TMCO4: variants seen among roughly 807,000 people sequenced by gnomAD.
The protein encoded by TMCO4 is transmembrane and coiled-coil domain-containing protein 4.
TMCO4 carries 58 observed loss-of-function variants against 64.7 expected under a neutral mutation model. That is an observed-to-expected ratio of 0.90 (90% CI 0.73 to 1.12). The LOEUF (loss-of-function observed/expected upper bound fraction) is 1.12. TMCO4 is among the 50% of genes most tolerant of loss of function. The probability of loss-of-function intolerance (pLI) is 0.00; values close to 1 mark genes in which losing one functional copy is unlikely to be tolerated. For synonymous variants in TMCO4, 325 were observed against 346.1 expected (o/e 0.94, Z 0.68); for missense variants, 780 against 825.9 (o/e 0.94, Z 0.68).
chr1:19,777,678 C>CTGGAACCT (rs1379239624), intron 4 of TMCO4, among the ~76,000 whole-genome samples: 1 of 152,194 alleles, frequency 6.6e-6, no homozygotes, highest in Admixed American at 6.5e-5. Context: ...TGAATCAACC[C>CTGGAACCT]TGGAACCTTG....
rs138387559 is a variant in TMCO4, at chr1:19,746,551, G to A, written c.662C>T (p.Thr221Met). 1.1e-4 allele frequency: 183 copies of A among 1,611,484 alleles called. 1 individual carries two copies. In the African/African-American group the frequency reaches 1.3e-3, roughly 11 times the overall value. Residue 221 changes from threonine to methionine, a missense_variant, in exon 9 of 16, where the codon ACG becomes ATG. Coordinates refer to ENST00000294543, the MANE Select transcript of TMCO4 (RefSeq NM_181719.7). ...AAPLVAAGAA[T>M]IIGSAGAAAL... is the part of the protein sequence containing the mutation. ...CGCTGCCCCGGCGCTGCCAATAATCGTCGCTGCTCCAGCGGCAACAAGGGG... is the reference window on the plus strand; with the variant it reads ...CGCTGCCCCGGCGCTGCCAATAATCATCGCTGCTCCAGCGGCAACAAGGGG...
chr1:19,763,751 A>T (rs17369574), intron 6 of TMCO4, among the ~76,000 whole-genome samples: 17,841 of 152,176 alleles, frequency 0.12, 1,150 homozygotes, highest in Non-Finnish European at 0.13. Flanking sequence ...ACGTAGCCCC[A>T]TTTTTACCCT....
At chr1:19,745,759 C>T (rs1460017477) in intron 9 of TMCO4, 108 bp from the exon 10 acceptor site, 6 of 1,378,118 alleles carry the variant, frequency 4.4e-6, no homozygotes, top group East Asian at 4.9e-5. Flanking sequence ...ATCTGTGTGC[C>T]CTGCCCCTGG....
intron 15 of TMCO4, among the ~76,000 whole-genome samples, chr1:19,688,870 C>T (rs1055802487): frequency 1.3e-5 from 2 of 152,236 alleles, no homozygotes; most frequent in South Asian, 4.1e-4. Flanking sequence ...CCTGGCATTT[C>T]TGCTGGGACA....
intron 13 of TMCO4, among the ~76,000 whole-genome samples, chr1:19,716,165 T>TATTATTATTATTATTATTA (rs148511891): frequency 9.7e-5 from 14 of 144,902 alleles, no homozygotes; most frequent in African/African-American, 3.5e-4. Context: ...TTATTTTTAT[T>TATTATTATTATTATTATTA]TTATTATTAT....
intron 13 of TMCO4, among the ~76,000 whole-genome samples, chr1:19,710,441 C>CT (rs1178385608): frequency 2.6e-5 from 4 of 152,110 alleles, no homozygotes. Flanking sequence ...TCTTCCTCTT[C>CT]TTTATCATCA....
chr1:19,718,776 G>A lies in TMCO4; in HGVS notation c.1265-17891C>T, dbSNP rs1042291529. On this transcript the variant is annotated intron_variant, in intron 13 of 15. Coordinates refer to ENST00000294543, the MANE Select transcript of TMCO4 (RefSeq NM_181719.7). ...TCTGTTCCAGTCTGGCACACAGTAG[G>A]TGCTCAATACACACCAGCTCCCTGG... 2.0e-5 allele frequency among the ~76,000 whole-genome samples: 3 copies of A among 152,156 alleles called. No individual in the cohort carries two copies. The South Asian group carries it at 6.2e-4, about 32-fold the overall frequency.
Position 19,770,543 on chromosome 1 carries a change from A to G in TMCO4, c.381T>C (p.Asp127=). 6.2e-7 allele frequency: 1 copy of G among 1,613,796 alleles called. No individual in the cohort carries two copies. The highest frequency in any genetic ancestry group is 8.5e-7 in the Non-Finnish European group (1 of 1,179,822). Residue 127 remains aspartate, a splice_region_variant and synonymous_variant, in exon 6 of 16, where the codon GAT becomes GAC. Coordinates refer to ENST00000294543, the MANE Select transcript of TMCO4 (RefSeq NM_181719.7). ...TQDLLSFSLK[D]GHYDARARVL... Reference sequence around the variant, plus strand: ...ACAGAGCTTAGAAAATCAACTTACCATCCTTGAGTGAGAAGCTCAGAAGGT... The same window carrying G: ...ACAGAGCTTAGAAAATCAACTTACCGTCCTTGAGTGAGAAGCTCAGAAGGT...
Position 19,682,540 on chromosome 1 carries a change from G to A in TMCO4, c.*500C>T, listed in dbSNP as rs2095110213. 1 of 709,050 alleles carries A rather than the reference G, an allele frequency of 1.4e-6. No individual in the cohort carries two copies. Among genetic ancestry groups the A allele is most frequent in the Non-Finnish European group, 2.6e-6 (1 of 380,378 alleles). 43.9% of individuals were successfully genotyped at this position (709,050 alleles called of 1,614,324 possible). ...GGAGTGAGCTGCCTTCTTTGTACCT[G>A]CGCCTGCTCTGTTGCTGCCAGTTGA... On this transcript the variant is annotated 3_prime_UTR_variant, in exon 16 of 16. Transcript: ENST00000294543.
At chr1:19,769,026 C>T (rs928570883) in intron 6 of TMCO4, among the ~76,000 whole-genome samples, 3 of 152,342 alleles carry the variant, frequency 2.0e-5, no homozygotes, top group Non-Finnish European at 2.9e-5. Context: ...ACTAAACACA[C>T]GTGCATGGCC....
intron 13 of TMCO4, among the ~76,000 whole-genome samples, chr1:19,725,020 A>G (rs941626945): frequency 1.1e-4 from 17 of 152,136 alleles, no homozygotes; most frequent in Non-Finnish European, 2.4e-4. Flanking sequence ...TCGGCCTCCC[A>G]AAGTGCTGGG....
At chr1:19,765,120 C>T (rs950760052) in intron 6 of TMCO4, among the ~76,000 whole-genome samples, 6 of 152,128 alleles carry the variant, frequency 3.9e-5, no homozygotes, top group African/African-American at 1.2e-4. Context: ...AAAATCATGA[C>T]GCAGTTTAAG....
Position 19,707,296 on chromosome 1 carries a change from C to A in TMCO4, c.1265-6411G>T, listed in dbSNP as rs368272438. On this transcript the variant is annotated intron_variant, in intron 13 of 15. Coordinates refer to ENST00000294543, the MANE Select transcript of TMCO4 (RefSeq NM_181719.7). ...CCCTTCTCTTGGTGATGGGTGAGAT[C>A]TCAGTTTATTAGTTCATGAAAGATC... Among the ~76,000 whole-genome samples the A allele has an allele frequency of 5.3e-5, 8 of 152,228 alleles. No individual in the cohort carries two copies. In the East Asian group the frequency reaches 1.5e-3, roughly 29 times the overall value.
At chr1:19,785,133 C>T (rs939852674) in intron 3 of TMCO4, among the ~76,000 whole-genome samples, 5 of 151,772 alleles carry the variant, frequency 3.3e-5, no homozygotes, top group African/African-American at 4.9e-5. Context: ...CTGGGACCAC[C>T]CTTCCCTGAC....
chr1:19,772,212 G>T (rs2043017364), intron 4 of TMCO4, among the ~76,000 whole-genome samples: 2 of 152,184 alleles, frequency 1.3e-5, no homozygotes, highest in South Asian at 4.1e-4. Context: ...GCAGCCCACA[G>T]AGGGAGCCCC....
chr1:19,705,452 AAAATAAATAAAT>A (rs1055958162), intron 13 of TMCO4, among the ~76,000 whole-genome samples: 1 of 151,940 alleles, frequency 6.6e-6, no homozygotes, highest in East Asian at 1.9e-4. Flanking sequence ...CTCCATCTCA[AAAATAAATAAAT>A]AAATAAATAA....
At chr1:19,790,693 C>T (rs1313491399) in intron 2 of TMCO4, among the ~76,000 whole-genome samples, 1 of 152,316 alleles carries the variant, frequency 6.6e-6, no homozygotes, top group South Asian at 2.1e-4. Context: ...AATAGGAACA[C>T]TCTTACACTG....
At chr1:19,795,173 TA>T (rs35761504) in intron 2 of TMCO4, among the ~76,000 whole-genome samples, 6,842 of 147,244 alleles carry the variant, frequency 0.046, 482 homozygotes, top group African/African-American at 0.15. Flanking sequence ...ATTTTTACCT[TA>T]AAAAAAAAAA....
At chr1:19,771,538 G>A in intron 4 of TMCO4, 56 bp from the exon 5 acceptor site, 1 of 1,565,674 alleles carries the variant, frequency 6.4e-7, no homozygotes, top group Non-Finnish European at 8.7e-7. Flanking sequence ...GCCTCCACTG[G>A]GCAGTGTAGA....
Sources: gnomAD v4.1 joint callset for allele counts (sites outside exome capture counted in the v4.1 genomes callset) on GRCh38, gnomAD v4.1.1 for gene constraint, MANE v1.5 for transcripts, NCBI Gene and HGNC (gene_info 2026-07-23, HGNC 2026-07-21) for gene names.